The following KANK4 variants were observed in gnomAD, a reference collection of about 807,000 sequenced individuals.
The protein encoded by KANK4 is KN motif and ankyrin repeat domains 4, also known as KN motif and ankyrin repeat domain-containing protein 4.
In KANK4, 50 loss-of-function variants were observed where a neutral mutation model predicts 80.8. The ratio of observed to expected loss-of-function variants is 0.62; its 90% CI spans 0.49 to 0.78. KANK4 has a LOEUF of 0.78. Ranked by LOEUF, KANK4 falls within the 30% of genes least tolerant of loss-of-function variation. KANK4 has a pLI of 0.00. For missense variants in KANK4, 1,196 were observed against 1,240.1 expected, an observed-to-expected ratio of 0.96 and a Z score of 0.53; for synonymous variants, 465 against 506.9, an observed-to-expected ratio of 0.92 and a Z score of 1.11.
rs753643212 is a variant in KANK4 at position 62,281,609 on chromosome 1, T to C, written c.-45A>G. 6.2e-7 allele frequency: 1 copy of C among 1,612,296 alleles called. No homozygotes were observed. Among genetic ancestry groups the C allele is most frequent in the South Asian group, 1.1e-5 (1 of 91,034 alleles). On this transcript the variant is annotated 5_prime_UTR_variant, in exon 2 of 10. Transcript: ENST00000371153. ...AGTGTCTCAGGCACTCTTCATCCAA[T>C]GAGTCTGTAAAACTTGTTGAAGGTT...
At position 62,319,412 on chromosome 1, in the gene KANK4, C is replaced by G. The variant is rs1212368569; in HGVS notation, c.-377G>C. 6.6e-6 allele frequency: 1 copy of G among 152,006 alleles called. No individual in the cohort carries two copies. The highest frequency in any genetic ancestry group is 1.5e-5 in the Non-Finnish European group (1 of 67,980). 9.4% of individuals were successfully genotyped at this position (152,006 alleles called of 1,614,324 possible). Reference sequence around the variant, plus strand: ...CGCGTCGCCAGCTGCCAACAGCGCCCGAGTCCCCGCCTTCGCTAGGGGAGA... The same window carrying G: ...CGCGTCGCCAGCTGCCAACAGCGCCGGAGTCCCCGCCTTCGCTAGGGGAGA... On this transcript the variant is annotated 5_prime_UTR_variant, in exon 1 of 10. Transcript: ENST00000371153.
chr1:62,267,160 T>G (rs1008050707), intron 5 of KANK4, among the ~76,000 whole-genome samples: 4 of 152,202 alleles, frequency 2.6e-5, no homozygotes, highest in African/African-American at 9.6e-5. Context: ...AGGGGAGGCC[T>G]GTCTTTCTGA....
intron 9 of KANK4, among the ~76,000 whole-genome samples, chr1:62,239,199 TCCTGTCCTGCA>T (rs544908872): frequency 8.7e-4 from 133 of 152,292 alleles, no homozygotes; most frequent in African/African-American, 3.0e-3. Flanking sequence ...TGCAATCCTG[TCCTGTCCTGCA>T]CCTGTCCTGT....
chr1:62,236,168 G>C lies in KANK4; in HGVS notation c.*2109C>G, dbSNP rs984550853. Among the ~76,000 whole-genome samples, 1 of 152,168 alleles carries C rather than the reference G, an allele frequency of 6.6e-6. No individual in the cohort carries two copies. Among genetic ancestry groups the C allele is most frequent in the Non-Finnish European group, 1.5e-5 (1 of 68,034 alleles). ...AAGAAATTTTGAGACAGAAGACTGA[G>C]AGGCAGCATTTTAATATAACAAACA... On this transcript the variant is annotated 3_prime_UTR_variant, in exon 10 of 10. Coordinates refer to ENST00000371153, the MANE Select transcript of KANK4 (RefSeq NM_181712.5).
rs368006072 is a variant in KANK4 at position 62,290,541 on chromosome 1, G to T, written c.-70-8907C>A. Among the ~76,000 whole-genome samples, 16 of 152,236 alleles carry T rather than the reference G, an allele frequency of 1.1e-4. No individual in the cohort carries two copies. The East Asian group carries it at 1.7e-3, about 17-fold the overall frequency. On this transcript the variant is annotated intron_variant, in intron 1 of 9. Coordinates refer to ENST00000371153, the MANE Select transcript of KANK4 (RefSeq NM_181712.5). ...GCAAAGTGCTTGTGCTGGTGCCCAG[G>T]ATATAATAAACACTCAATACATTTG...
chr1:62,264,994 G>C (rs1458109260), intron 6 of KANK4, among the ~76,000 whole-genome samples: 2 of 152,132 alleles, frequency 1.3e-5, no homozygotes, highest in East Asian at 3.9e-4. Context: ...ACCACACCCA[G>C]CTAATTTTCG....
intron 1 of KANK4, among the ~76,000 whole-genome samples, chr1:62,292,366 A>G (rs916510508): frequency 4.6e-5 from 7 of 152,140 alleles, no homozygotes; most frequent in East Asian, 1.9e-4. Context: ...CAAGTTCTCA[A>G]TGAGAACTGC....
intron 1 of KANK4, among the ~76,000 whole-genome samples, chr1:62,291,185 T>A (rs1672671344): frequency 6.6e-6 from 1 of 152,238 alleles, no homozygotes; most frequent in Non-Finnish European, 1.5e-5. Flanking sequence ...AATGACTAAT[T>A]GTGTTGACTA....
intron 1 of KANK4, among the ~76,000 whole-genome samples, chr1:62,290,807 C>T (rs764132563): frequency 2.5e-4 from 38 of 151,334 alleles, no homozygotes; most frequent in African/African-American, 3.4e-4. Flanking sequence ...TGCAGTGGCG[C>T]GATCTCGGCT....
At chr1:62,290,277 G>T (rs1168070822) in intron 1 of KANK4, among the ~76,000 whole-genome samples, 2 of 152,126 alleles carry the variant, frequency 1.3e-5, no homozygotes, top group African/African-American at 4.8e-5. Context: ...CCTAGAGGGG[G>T]TCATGCCACC....
chr1:62,271,689 G>A (rs1315138163), intron 3 of KANK4, 100 bp from the exon 4 acceptor site: 8 of 870,846 alleles, frequency 9.2e-6, no homozygotes, highest in Middle Eastern at 2.2e-4. Context: ...TTGCAGGTGT[G>A]TGGAGAGGTA....
Position 62,274,075 on chromosome 1 carries a change from G to A in KANK4, c.1029C>T (p.Ser343=), listed in dbSNP as rs953661862. ...GLARVDPGSI[S]SLKQQVSALE... ...GGGCCGAGACCTGCTGTTTCAGGCT[G>A]GAGATGCTGCCTGGATCCACCCTGG... Residue 343 remains serine, a synonymous_variant, in exon 3 of 10, where the codon TCC becomes TCT. Transcript: ENST00000371153. 4 of 1,614,188 alleles carry A rather than the reference G, an allele frequency of 2.5e-6. No individual in the cohort carries two copies. The highest frequency in any genetic ancestry group is 3.4e-6 in the Non-Finnish European group (4 of 1,180,038).
In KANK4 at chr1:62,283,411, T is replaced by C. The variant is rs370334259; in HGVS notation, c.-70-1777A>G. On this transcript the variant is annotated intron_variant, in intron 1 of 9. Coordinates refer to ENST00000371153, the MANE Select transcript of KANK4 (RefSeq NM_181712.5). ...TGAGAGAGTTGACAGGGCTGATCCATGTCACATAACAAGCAAGTGTTGTAG... is the reference window on the plus strand; with the variant it reads ...TGAGAGAGTTGACAGGGCTGATCCACGTCACATAACAAGCAAGTGTTGTAG... Among the ~76,000 whole-genome samples the C allele has an allele frequency of 9.8e-5, 15 of 152,326 alleles. No individual in the cohort carries two copies. In the East Asian group the frequency reaches 2.7e-3, roughly 27 times the overall value.
intron 1 of KANK4, among the ~76,000 whole-genome samples, chr1:62,284,056 A>G (rs1055344224): frequency 6.6e-6 from 1 of 152,106 alleles, no homozygotes; most frequent in African/African-American, 2.4e-5. Flanking sequence ...AAGGGCTCAT[A>G]ATACAGGAAG....
At chr1:62,253,275 C>T (rs930802526) in intron 7 of KANK4, 66 bp from the exon 8 acceptor site, 25 of 1,487,150 alleles carry the variant, frequency 1.7e-5, no homozygotes, top group Middle Eastern at 2.5e-4. Context: ...CCACTTTAGC[C>T]GTTTCAATGG....
At position 62,275,064 on chromosome 1, in the gene KANK4, C is replaced by T. The variant is rs753716013; in HGVS notation, c.40G>A (p.Asp14Asn). ...CTCTTCGGAGGGTCTTTCTCTTCAT[C>T]CCCCTGAGAGGACTGGTCTTTGGCT... ...TDAKDQSSQG[D>N]EEKDPPKSHP... is the part of the protein sequence containing the mutation. Residue 14 changes from aspartate (D) to asparagine (N), a missense_variant, in exon 3 of 10, where the codon GAT becomes AAT. Asp to Asn is a conservative substitution (Grantham distance 23). Coordinates refer to ENST00000371153, the MANE Select transcript of KANK4 (RefSeq NM_181712.5). 2 of 1,611,296 alleles carry T rather than the reference C, an allele frequency of 1.2e-6. No individual in the cohort carries two copies. Among genetic ancestry groups the T allele is most frequent in the African/African-American group, 1.3e-5 (1 of 74,822 alleles).
At chr1:62,261,233 T>C (rs1310134817) in intron 7 of KANK4, among the ~76,000 whole-genome samples, 1 of 146,930 alleles carries the variant, frequency 6.8e-6, no homozygotes, top group African/African-American at 2.5e-5. Context: ...CTCAGCTCAC[T>C]GAAACCCCCA....
At position 62,253,194 on chromosome 1, in the gene KANK4, T is replaced by G; in HGVS notation, c.2555A>C (p.Asp852Ala). The change falls in exon 8 of 10, where the codon GAC becomes GCC. Residue 852 changes from aspartate to alanine, a missense_variant. Physicochemically the swap from Asp to Ala is moderately radical, Grantham distance 126 (BLOSUM62 -2). Coordinates refer to ENST00000371153, the MANE Select transcript of KANK4 (RefSeq NM_181712.5). ...LLLETGVCNV[D>A]HQNKAGYTAV... ...AGTGTAGCCAGCTTTGTTCTGATGG[T>G]CCACATTGCAGACGCCTGCAAGAGA... is the stretch of plus-strand genomic sequence containing the variant. 6.2e-7 allele frequency: 1 copy of G among 1,609,918 alleles called. No individual in the cohort carries two copies. The highest frequency in any genetic ancestry group is 8.5e-7 in the Non-Finnish European group (1 of 1,179,014).
At chr1:62,306,692 TATG>T (rs1401736470) in intron 1 of KANK4, among the ~76,000 whole-genome samples, 2 of 152,132 alleles carry the variant, frequency 1.3e-5, no homozygotes, top group African/African-American at 4.8e-5. Context: ...TGCTAACTGG[TATG>T]ATATTTATAA....
Sources: gnomAD v4.1 joint callset for allele counts (sites outside exome capture counted in the v4.1 genomes callset) on GRCh38, gnomAD v4.1.1 for gene constraint, MANE v1.5 for transcripts, NCBI Gene and HGNC (gene_info 2026-07-23, HGNC 2026-07-21) for gene names.